The following ERICH1 variants were observed in gnomAD, a reference collection of about 807,000 sequenced individuals.
ERICH1 encodes the protein glutamate rich 1.
A neutral mutation model predicts 39.6 loss-of-function variants in ERICH1; 56 were observed. That is an observed-to-expected ratio of 1.41 (90% CI 1.14 to 1.77). The LOEUF (loss-of-function observed/expected upper bound fraction) is 1.77, where lower values mean the gene tolerates loss of function less well. ERICH1 is among the 40% of genes most tolerant of loss of function. ERICH1 has a pLI of 0.00. For synonymous variants in ERICH1, 313 were observed against 223.6 expected (o/e 1.40, Z -3.57); for missense variants, 826 against 575.4 (o/e 1.44, Z -4.45).
At chr8:644,130 C>T (rs1370615532) in intron 3 of ERICH1, among the ~76,000 whole-genome samples, 1 of 152,242 alleles carries the variant, frequency 6.6e-6, no homozygotes, top group African/African-American at 2.4e-5. Flanking sequence ...GCCACTGCTA[C>T]AGGGATCACT....
intron 3 of ERICH1, chr8:616,451 C>G (rs1312015812): frequency 6.7e-6 from 3 of 448,692 alleles, no homozygotes; most frequent in African/African-American, 6.0e-5. Flanking sequence ...CCTGGCTAAG[C>G]GGATTCAGCG....
intron 3 of ERICH1, among the ~76,000 whole-genome samples, chr8:616,819 G>A (rs1440484301): frequency 2.3e-5 from 1 of 44,084 alleles, no homozygotes; most frequent in Non-Finnish European, 3.7e-5. Context: ...AGGAAGAGAC[G>A]GGGGGAGAGA....
At chr8:680,604 A>T (rs1354304154) in intron 3 of ERICH1, among the ~76,000 whole-genome samples, 1 of 149,954 alleles carries the variant, frequency 6.7e-6, no homozygotes, top group Non-Finnish European at 1.5e-5. Context: ...GAGAATCCAC[A>T]GCTGCCACCC....
At position 676,487 on chromosome 8, in the gene ERICH1, A is replaced by AGGCGCGGCGGCCCCTCGTGAGGACAGAGG. The variant is rs1563236923; in HGVS notation, c.305-2441_305-2440insCCTCTGTCCTCACGAGGGGCCGCCGCGCC. ...CGGCGGCCCCTCGGCGAGGACAGAGACGCGGCGGCCCCTCGTGAGGACAGA... is the reference window on the plus strand; with the variant it reads ...CGGCGGCCCCTCGGCGAGGACAGAGAGGCGCGGCGGCCCCTCGTGAGGACAGAGGCGCGGCGGCCCCTCGTGAGGACAGA... On this transcript the variant is annotated intron_variant, in intron 3 of 5. Transcript: ENST00000262109. Among the ~76,000 whole-genome samples the AGGCGCGGCGGCCCCTCGTGAGGACAGAGG allele has an allele frequency of 4.2e-5, 2 of 47,698 alleles. 1 individual carries two copies. Among genetic ancestry groups the AGGCGCGGCGGCCCCTCGTGAGGACAGAGG allele is most frequent in the African/African-American group, 2.1e-4 (2 of 9,330 alleles). 31.3% of individuals were successfully genotyped at this position (47,698 alleles called of 152,430 possible). A position where few individuals can be genotyped will look rare whatever the true frequency, so the allele number is the denominator to read the frequency against.
Position 664,357 on chromosome 8 carries a change from CAG to C in ERICH1, c.*244_*245del. 5.3e-6 allele frequency: 6 copies of C among 1,137,214 alleles called. No individual in the cohort carries two copies. The highest frequency in any genetic ancestry group is 6.5e-6 in the Non-Finnish European group (6 of 928,016). 70.4% of individuals were successfully genotyped at this position (1,137,214 alleles called of 1,614,324 possible). A position where few individuals can be genotyped will look rare whatever the true frequency, so the allele number is the denominator to read the frequency against. ...TCAATTTTTACAATAAGTAGAGAAACAGAATCAAGTTTTATGTAGTAATTCAA... is the reference window on the plus strand; with the variant it reads ...TCAATTTTTACAATAAGTAGAGAAACAATCAAGTTTTATGTAGTAATTCAA... On this transcript the variant is annotated 3_prime_UTR_variant, in exon 6 of 6. Coordinates refer to ENST00000262109, the MANE Select transcript of ERICH1 (RefSeq NM_207332.3).
chr8:619,181 C>G (rs908955342), intron 3 of ERICH1, among the ~76,000 whole-genome samples: 20 of 151,920 alleles, frequency 1.3e-4, no homozygotes, highest in Admixed American at 1.3e-3. Context: ...ACCTGTGTTG[C>G]CCACCTCCCA....
At chr8:688,736 A>G (rs1056882507) in intron 3 of ERICH1, among the ~76,000 whole-genome samples, 5 of 152,212 alleles carry the variant, frequency 3.3e-5, no homozygotes, top group Admixed American at 3.3e-4. Context: ...CAAAGGAAAC[A>G]ACTGCTACTG....
chr8:726,591 TAC>T (rs977325732), intron 1 of ERICH1, among the ~76,000 whole-genome samples: 64 of 142,518 alleles, frequency 4.5e-4, no homozygotes, highest in African/African-American at 1.6e-3. Flanking sequence ...CGCACACACA[TAC>T]ACACACAGGC....
intron 2 of ERICH1, among the ~76,000 whole-genome samples, chr8:692,858 A>T (rs1446900995): frequency 2.0e-5 from 3 of 152,230 alleles, no homozygotes; most frequent in Non-Finnish European, 1.5e-5. Context: ...ATTCACATGA[A>T]ATTACTTATT....
At chr8:668,547 C>G in intron 5 of ERICH1, 51 bp downstream of exon 5, 1 of 1,607,502 alleles carries the variant, frequency 6.2e-7, no homozygotes, top group Non-Finnish European at 8.5e-7. Context: ...AGAGGCAAAC[C>G]TCGATGAGAG....
At position 715,880 on chromosome 8, in the gene ERICH1, T is replaced by A; in HGVS notation, c.150A>T (p.Lys50Asn). ...ACTCACCTGTCAAAGGCTCAGCATG[T>A]TTCTGGCTCACTTTCTCAGAGGTCA... ...KKVTSEKVSQ[K>N]HAEPLTDTGS... is the part of the protein sequence containing the mutation. Residue 50 changes from lysine to asparagine, a missense_variant, in exon 2 of 6, where the codon AAA (lysine) becomes AAT (asparagine). Physicochemically the swap from Lys to Asn is moderately conservative, Grantham distance 94. Transcript: ENST00000262109. The A allele has an allele frequency of 6.2e-7, 1 of 1,613,422 alleles. No individual in the cohort carries two copies. Among genetic ancestry groups the A allele is most frequent in the Non-Finnish European group, 8.5e-7 (1 of 1,179,738 alleles).
chr8:620,827 T>G (rs1194888882), intron 3 of ERICH1, among the ~76,000 whole-genome samples: 2 of 152,206 alleles, frequency 1.3e-5, no homozygotes, highest in African/African-American at 4.8e-5. Flanking sequence ...AATTTAACAA[T>G]GGTTTTTACA....
At chr8:704,401 A>C (rs1220927736) in intron 2 of ERICH1, among the ~76,000 whole-genome samples, 1 of 152,180 alleles carries the variant, frequency 6.6e-6, no homozygotes, top group Non-Finnish European at 1.5e-5. Flanking sequence ...TTGACCCTGA[A>C]TGTGTCTGAC....
chr8:704,510 T>C (rs1392118034), intron 2 of ERICH1, among the ~76,000 whole-genome samples: 1 of 152,190 alleles, frequency 6.6e-6, no homozygotes, highest in Admixed American at 6.5e-5. Context: ...CTACTAAAGC[T>C]CTGCTCACTC....
chr8:691,185 C>CACCAGGCGATCCTGACAGCCT (rs1554514004), intron 3 of ERICH1: 33,402 of 152,240 alleles, frequency 0.22, 3,854 homozygotes, highest in East Asian at 0.43. Context: ...AAGTCACTGG[C>CACCAGGCGATCCTGACAGCCT]GCCTGGAGAA....
chr8:699,183 A>G (rs1811077712), intron 2 of ERICH1, among the ~76,000 whole-genome samples: 1 of 152,092 alleles, frequency 6.6e-6, no homozygotes. Flanking sequence ...ATTCTACAAT[A>G]TGGTCACAGT....
intron 2 of ERICH1, among the ~76,000 whole-genome samples, chr8:705,357 AC>A (rs1813033980): frequency 6.6e-6 from 1 of 152,222 alleles, no homozygotes; most frequent in South Asian, 2.1e-4. Context: ...CACGGTTCTT[AC>A]GTTTTTTATT....
intron 2 of ERICH1, among the ~76,000 whole-genome samples, chr8:701,933 T>C (rs1360163647): frequency 1.3e-5 from 2 of 151,642 alleles, no homozygotes; most frequent in East Asian, 1.9e-4. Flanking sequence ...CTACTAAAAA[T>C]ACAAAAATTA....
intron 2 of ERICH1, among the ~76,000 whole-genome samples, chr8:713,418 A>T (rs1815213059): frequency 6.6e-6 from 1 of 152,236 alleles, no homozygotes; most frequent in South Asian, 2.1e-4. Context: ...ATTTGAAAAC[A>T]TTAAGCCATA....
Sources: gnomAD v4.1 joint callset for allele counts (sites outside exome capture counted in the v4.1 genomes callset) on GRCh38, gnomAD v4.1.1 for gene constraint, MANE v1.5 for transcripts, NCBI Gene and HGNC (gene_info 2026-07-23, HGNC 2026-07-21) for gene names.